Variants in TOR1B observed in about 807,000 individuals in gnomAD.
The protein encoded by TOR1B is torsin family 1 member B, also known as torsin-1B.
Under a neutral mutation model 29.2 loss-of-function variants are expected in TOR1B, and 14 were observed. That is an observed-to-expected ratio of 0.48 (90% confidence interval 0.32 to 0.75). TOR1B has a LOEUF of 0.75. Ranked by LOEUF, TOR1B falls within the 30% of genes least tolerant of loss-of-function variation. The pLI, the probability that TOR1B is intolerant of heterozygous loss-of-function variation, is 0.04. For missense variants in TOR1B, 400 were observed against 433.9 expected (o/e 0.92, Z 0.69); for synonymous variants, 166 against 179.8 (o/e 0.92, Z 0.62).
Position 129,808,964 on chromosome 9 carries a change from A to C in TOR1B, c.701A>C (p.Lys234Thr). ...TALDFWRAGR[K>T]REDIQLKDLE... ...CTTGACTTTTGGCGGGCCGGAAGAA[A>C]GAGGGAAGACATTCAGCTGAAGGAC... The change falls in exon 4 of 5, where the codon AAG becomes ACG. Residue 234 changes from lysine to threonine, a missense_variant. By Grantham distance (78) the Lys-to-Thr change is moderately conservative. Coordinates refer to ENST00000259339, the MANE Select transcript of TOR1B (RefSeq NM_014506.3). 1 of 1,614,146 alleles carries C rather than the reference A, an allele frequency of 6.2e-7. No homozygotes were observed. The highest frequency in any genetic ancestry group is 8.5e-7 in the Non-Finnish European group (1 of 1,180,022).
At chr9:129,805,968 A>T (rs1434964337) in intron 2 of TOR1B, among the ~76,000 whole-genome samples, 1 of 152,130 alleles carries the variant, frequency 6.6e-6, no homozygotes, top group Non-Finnish European at 1.5e-5. Context: ...AAAAAATAAA[A>T]AAATTAGCCA....
chr9:129,809,872 A>G lies in TOR1B; in HGVS notation c.*289A>G. 7.7e-7 allele frequency: 1 copy of G among 1,300,108 alleles called. No individual in the cohort carries two copies. Among genetic ancestry groups the G allele is most frequent in the Non-Finnish European group, 9.8e-7 (1 of 1,015,426 alleles). 80.5% of individuals were successfully genotyped at this position (1,300,108 alleles called of 1,614,324 possible). ...ATGAGCCACTGTGCCCAGCTGGGAT[A>G]TAGAATCTAAGAGTTGATTGTGGAA... On this transcript the variant is annotated 3_prime_UTR_variant, in exon 5 of 5. Coordinates refer to ENST00000259339, the MANE Select transcript of TOR1B (RefSeq NM_014506.3).
Position 129,809,687 on chromosome 9 carries a change from C to T in TOR1B, c.*104C>T. 3 of 1,537,186 alleles carry T rather than the reference C, an allele frequency of 2.0e-6. No individual in the cohort carries two copies. Among genetic ancestry groups the T allele is most frequent in the East Asian group, 2.3e-5 (1 of 44,206 alleles). On this transcript the variant is annotated 3_prime_UTR_variant, in exon 5 of 5. Coordinates refer to ENST00000259339, the MANE Select transcript of TOR1B (RefSeq NM_014506.3). ...ACCGCTTTGGGGTTTTGCCTGTTTG[C>T]ACCTTAGACTTTTGGGTATAGAATC...
Position 129,809,418 on chromosome 9 carries a change from A to G in TOR1B, c.846A>G (p.Arg282=), listed in dbSNP as rs758275865. 26 of 1,614,078 alleles carry G rather than the reference A, an allele frequency of 1.6e-5. No homozygotes were observed. Among genetic ancestry groups the G allele is most frequent in the Non-Finnish European group, 2.1e-5 (25 of 1,180,042 alleles). Reference sequence around the variant, plus strand: ...TCCCCTTCCTGCCTTTGGAGTACAGACATGTGAAAATGTGTGTGAGGGCCG... The same window carrying G: ...TCCCCTTCCTGCCTTTGGAGTACAGGCATGTGAAAATGTGTGTGAGGGCCG... ...YFIPFLPLEY[R]HVKMCVRAEM... Residue 282 remains arginine (R), a synonymous_variant, in exon 5 of 5, where the codon AGA becomes AGG. Coordinates refer to ENST00000259339, the MANE Select transcript of TOR1B (RefSeq NM_014506.3).
intron 4 of TOR1B, 21 bp from the exon 5 acceptor site, chr9:129,809,321 C>A: frequency 1.2e-6 from 2 of 1,612,982 alleles, no homozygotes; most frequent in South Asian, 2.2e-5. Context: ...GCAGGAAACC[C>A]AGCTGTGTCT....
rs377511933 is a variant in TOR1B, at chr9:129,807,341, A to G, written c.619A>G (p.Lys207Glu). ...GCAGGTTGACGGAGTGTCTTACCGC[A>G]AAGCCATCTTCATCTTTCTCAGGTC... is the stretch of plus-strand genomic sequence containing the variant. Reference protein sequence around the residue: ...YEQVDGVSYRKAIFIFLSNAG... With the variant: ...YEQVDGVSYREAIFIFLSNAG... Residue 207 changes from lysine (K) to glutamate (E), a missense_variant, in exon 3 of 5, where the codon AAA becomes GAA. Transcript: ENST00000259339. 2.5e-6 allele frequency: 4 copies of G among 1,613,986 alleles called. No homozygotes were observed. The highest frequency in any genetic ancestry group is 3.4e-6 in the Non-Finnish European group (4 of 1,179,998).
intron 1 of TOR1B, 69 bp downstream of exon 1, chr9:129,803,480 G>A (rs930622472): frequency 5.5e-6 from 7 of 1,266,100 alleles, no homozygotes; most frequent in East Asian, 6.6e-5. Flanking sequence ...GCGGAGGGAC[G>A]GCCTCGTGGG....
At position 129,803,189 on chromosome 9, in the gene TOR1B, C is replaced by T. The variant is rs1376707011; in HGVS notation, c.-24C>T. 4 of 1,440,818 alleles carry T rather than the reference C, an allele frequency of 2.8e-6. No homozygotes were observed. The highest frequency in any genetic ancestry group is 2.7e-5 in the East Asian group (1 of 36,786). The allele number at this position is 1,440,818 out of a possible 1,614,324, so 89.3% of individuals were successfully genotyped here. ...GGCCGCGGGGCGCCTGGCTCAGTGG[C>T]TTCTGCGGGCTTCGAGGAGCGGGAT... On this transcript the variant is annotated 5_prime_UTR_variant, in exon 1 of 5. Transcript: ENST00000259339.
At chr9:129,807,079 A>G (rs2030524345) in intron 2 of TOR1B, 109 bp from the exon 3 acceptor site, 2 of 1,072,460 alleles carry the variant, frequency 1.9e-6, no homozygotes, top group African/African-American at 3.2e-5. Flanking sequence ...GTGCCATTCT[A>G]AGAGCTCTGA....
In TOR1B at chr9:129,809,905, G is replaced by C; in HGVS notation, c.*322G>C. The C allele has an allele frequency of 8.1e-7, 1 of 1,239,394 alleles. No homozygotes were observed. The highest frequency in any genetic ancestry group is 1.0e-6 in the Non-Finnish European group (1 of 977,118). The allele number at this position is 1,239,394 out of a possible 1,614,324, so 76.8% of individuals were successfully genotyped here. ...TAAGAGTTGATTGTGGAAAACACGTGAATCTATTGCGCGCATTTGTCATTT... is the reference window on the plus strand; with the variant it reads ...TAAGAGTTGATTGTGGAAAACACGTCAATCTATTGCGCGCATTTGTCATTT... On this transcript the variant is annotated 3_prime_UTR_variant, in exon 5 of 5. Transcript: ENST00000259339.
At position 129,807,388 on chromosome 9, in the gene TOR1B, G is replaced by A. The variant is rs372931594; in HGVS notation, c.641+25G>A. ...GGTCAGCGGGAGGCGGTTTTTTGGG[G>A]CACACAAGCCCTTCATTCTCTCAAT... On this transcript the variant is annotated intron_variant, in intron 3 of 4. Transcript: ENST00000259339. 14 of 1,611,046 alleles carry A rather than the reference G, an allele frequency of 8.7e-6. No individual in the cohort carries two copies. The African/African-American group carries it at 1.6e-4, about 18-fold the overall frequency.
chr9:129,809,876 A>C lies in TOR1B; in HGVS notation c.*293A>C. 1 of 1,291,408 alleles carries C rather than the reference A, an allele frequency of 7.7e-7. No homozygotes were observed. The highest frequency in any genetic ancestry group is 1.6e-5 in the South Asian group (1 of 61,672). The allele number at this position is 1,291,408 out of a possible 1,614,324, so 80.0% of individuals were successfully genotyped here. A position where few individuals can be genotyped will look rare whatever the true frequency, so the allele number is the denominator to read the frequency against. ...GCCACTGTGCCCAGCTGGGATATAG[A>C]ATCTAAGAGTTGATTGTGGAAAACA... On this transcript the variant is annotated 3_prime_UTR_variant, in exon 5 of 5. Coordinates refer to ENST00000259339, the MANE Select transcript of TOR1B (RefSeq NM_014506.3).
At chr9:129,808,758 G>T (rs1231537122) in intron 3 of TOR1B, 147 bp from the exon 4 acceptor site, 3 of 871,290 alleles carry the variant, frequency 3.4e-6, no homozygotes, top group African/African-American at 1.7e-5. Context: ...CTCTATGTTG[G>T]TCAGGCTGGC....
chr9:129,809,837 G>A lies in TOR1B; in HGVS notation c.*254G>A. On this transcript the variant is annotated 3_prime_UTR_variant, in exon 5 of 5. Transcript: ENST00000259339. ...ATGCCTCAGCCTCCCGAGTAGCTGG[G>A]ATTACAGGCATGAGCCACTGTGCCC... is the stretch of plus-strand genomic sequence containing the variant. 2 of 1,353,042 alleles carry A rather than the reference G, an allele frequency of 1.5e-6. No homozygotes were observed. The highest frequency in any genetic ancestry group is 6.2e-5 in the Admixed American group (2 of 32,140). The allele number at this position is 1,353,042 out of a possible 1,614,324, so 83.8% of individuals were successfully genotyped here.
intron 2 of TOR1B, 106 bp downstream of exon 2, chr9:129,804,444 C>T (rs1438547647): frequency 6.9e-7 from 1 of 1,441,546 alleles, no homozygotes; most frequent in African/African-American, 1.4e-5. Context: ...TTGCTGTAGC[C>T]CCCGGCTCCA....
intron 1 of TOR1B, 66 bp downstream of exon 1, chr9:129,803,477 G>T (rs1217117270): frequency 3.9e-6 from 5 of 1,272,794 alleles, no homozygotes; most frequent in Non-Finnish European, 4.9e-6. Context: ...GGCGCGGAGG[G>T]ACGGCCTCGT....
In TOR1B at chr9:129,809,361, A is replaced by G. The variant is rs563762550; in HGVS notation, c.789A>G (p.Gly263=). ...CTGCAGGTGGCCTGTGGCACAGTGG[A>G]CTGATCGACAAAAACCTCATTGATT... ...NNKHSGLWHS[G]LIDKNLIDYF... is the part of the protein sequence containing the mutation. Residue 263 remains glycine, a synonymous_variant, in exon 5 of 5, where the codon GGA becomes GGG. Coordinates refer to ENST00000259339, the MANE Select transcript of TOR1B (RefSeq NM_014506.3). The G allele has an allele frequency of 6.2e-7, 1 of 1,614,186 alleles. No homozygotes were observed. Among genetic ancestry groups the G allele is most frequent in the South Asian group, 1.1e-5 (1 of 91,078 alleles).
chr9:129,809,694 G>C lies in TOR1B; in HGVS notation c.*111G>C, dbSNP rs1753263727. The stretch of plus-strand genomic sequence containing the variant: ...TGGGGTTTTGCCTGTTTGCACCTTA[G>C]ACTTTTGGGTATAGAATCTTTTTTT... On this transcript the variant is annotated 3_prime_UTR_variant, in exon 5 of 5. Coordinates refer to ENST00000259339, the MANE Select transcript of TOR1B (RefSeq NM_014506.3). 2.0e-6 allele frequency: 3 copies of C among 1,522,156 alleles called. No homozygotes were observed. Among genetic ancestry groups the C allele is most frequent in the African/African-American group, 2.8e-5 (2 of 71,742 alleles). The allele number at this position is 1,522,156 out of a possible 1,614,324, so 94.3% of individuals were successfully genotyped here. A position where few individuals can be genotyped will look rare whatever the true frequency, so the allele number is the denominator to read the frequency against.
chr9:129,809,381 T>C lies in TOR1B; in HGVS notation c.809T>C (p.Ile270Thr). The C allele has an allele frequency of 1.2e-6, 2 of 1,614,212 alleles. No homozygotes were observed. Among genetic ancestry groups the C allele is most frequent in the Non-Finnish European group, 8.5e-7 (1 of 1,180,030 alleles). Residue 270 changes from isoleucine (I) to threonine (T), a missense_variant, in exon 5 of 5, where the codon ATT (isoleucine) becomes ACT (threonine). Coordinates refer to ENST00000259339, the MANE Select transcript of TOR1B (RefSeq NM_014506.3). ...AGTGGACTGATCGACAAAAACCTCATTGATTACTTTATCCCCTTCCTGCCT... is the reference window on the plus strand; with the variant it reads ...AGTGGACTGATCGACAAAAACCTCACTGATTACTTTATCCCCTTCCTGCCT... ...WHSGLIDKNL[I>T]DYFIPFLPLE...
Sources: gnomAD v4.1 joint callset for allele counts (sites outside exome capture counted in the v4.1 genomes callset) on GRCh38, gnomAD v4.1.1 for gene constraint, MANE v1.5 for transcripts, NCBI Gene and HGNC (gene_info 2026-07-23, HGNC 2026-07-21) for gene names.